Variants in DDX51 observed in about 807,000 individuals in gnomAD.
DDX51 encodes ATP-dependent RNA helicase DDX51.
A neutral mutation model predicts 74.6 loss-of-function variants in DDX51; 67 were observed. The observed-to-expected ratio is 0.90, with a 90% CI of 0.74 to 1.10. The LOEUF (loss-of-function observed/expected upper bound fraction) is 1.10. Among genes scored for constraint, DDX51 ranks in the 50% least tolerant of loss-of-function variants. DDX51 has a pLI of 0.00. For missense variants in DDX51, 1,056 were observed against 905.2 expected (o/e 1.17, Z -2.14); for synonymous variants, 545 against 402.9 (o/e 1.35, Z -4.22).
chr12:132,138,366 G>A lies in DDX51; in HGVS notation c.*906C>T, dbSNP rs990056730. On this transcript the variant is annotated 3_prime_UTR_variant, in exon 15 of 15. Coordinates refer to ENST00000397333, the MANE Select transcript of DDX51 (RefSeq NM_175066.4). Reference sequence around the variant, plus strand: ...CTCACTCTGTTGCCCAGGCTGGAGTGCAGTGGCGCAGTCTCCGCTCACTGC... The same window carrying A: ...CTCACTCTGTTGCCCAGGCTGGAGTACAGTGGCGCAGTCTCCGCTCACTGC... 55 of 152,510 alleles carry A rather than the reference G, an allele frequency of 3.6e-4. No individual in the cohort carries two copies. The highest frequency in any genetic ancestry group is 9.6e-4 in the African/African-American group (40 of 41,586). 9.4% of individuals were successfully genotyped at this position (152,510 alleles called of 1,614,324 possible).
chr12:132,142,901 G>A (rs778118625), intron 2 of DDX51, 23 bp from the exon 3 acceptor site: 13 of 1,611,402 alleles, frequency 8.1e-6, no homozygotes, highest in Middle Eastern at 1.6e-4. Flanking sequence ...AGAAAGAGAG[G>A]CCAGGTGAGC....
chr12:132,143,688 G>A lies in DDX51; in HGVS notation c.519+7C>T, dbSNP rs1001689037. The A allele has an allele frequency of 2.6e-6, 4 of 1,537,858 alleles. No homozygotes were observed. Among genetic ancestry groups the A allele is most frequent in the African/African-American group, 2.8e-5 (2 of 71,926 alleles). On this transcript the variant is annotated splice_region_variant and intron_variant, in intron 2 of 14. Coordinates refer to ENST00000397333, the MANE Select transcript of DDX51 (RefSeq NM_175066.4). ...CGCCGACCACCCTCCCGCCCGCCGA[G>A]GCTCACCTTCGGCGCCTTCCTCTTC...
At chr12:132,139,439 C>A in intron 14 of DDX51, 141 bp from the exon 15 acceptor site, 1 of 1,516,310 alleles carries the variant, frequency 6.6e-7, no homozygotes, top group East Asian at 2.3e-5. Context: ...TGACAGCCCT[C>A]CCTGGTGCCA....
chr12:132,140,024 AAG>A (rs1897384831), intron 12 of DDX51, 72 bp downstream of exon 12: 6 of 1,606,020 alleles, frequency 3.7e-6, no homozygotes, highest in Non-Finnish European at 5.1e-6. Flanking sequence ...CACGCCAGTC[AAG>A]ACGGTCCCAC....
chr12:132,144,075 C>T lies in DDX51; in HGVS notation c.222G>A (p.Arg74=). The change falls in exon 1 of 15, where the codon CGG becomes CGA. Residue 74 remains arginine (R), a synonymous_variant. Transcript: ENST00000397333. The stretch of plus-strand genomic sequence containing the variant: ...TCCCCGGCTCCGCGTCGTTCACCCG[C>T]CGCCGCCGCCGGGGCCGCCGTCGCC... ...TRRRRRPRRR[R]RVNDAEPGSP... is the part of the protein sequence containing the mutation. 3.1e-5 allele frequency: 38 copies of T among 1,241,424 alleles called. No individual in the cohort carries two copies. Among genetic ancestry groups the T allele is most frequent in the Non-Finnish European group, 3.7e-5 (37 of 994,882 alleles). 76.9% of individuals were successfully genotyped at this position (1,241,424 alleles called of 1,614,324 possible). A position where few individuals can be genotyped will look rare whatever the true frequency, so the allele number is the denominator to read the frequency against.
At chr12:132,141,071 C>T in intron 8 of DDX51, 51 bp from the exon 9 acceptor site, 1 of 1,546,562 alleles carries the variant, frequency 6.5e-7, no homozygotes, top group African/African-American at 1.4e-5. Flanking sequence ...TGCCCCGAAC[C>T]TCCAGGGAAC....
rs748272121 is a variant in DDX51 at position 132,142,894 on chromosome 12, AAGAG to A, written c.520-20_520-17del. 5 of 1,612,000 alleles carry A rather than the reference AAGAG, an allele frequency of 3.1e-6. No homozygotes were observed. The African/African-American group carries it at 5.3e-5, about 17-fold the overall frequency. On this transcript the variant is annotated splice_polypyrimidine_tract_variant and intron_variant, in intron 2 of 14. Transcript: ENST00000397333. Reference sequence around the variant, plus strand: ...AAGGCTGGACCTGCCATCAAAAAGAAAGAGAGGCCAGGTGAGCGCTTTCCAGGCT... The same window carrying A: ...AAGGCTGGACCTGCCATCAAAAAGAAAGGCCAGGTGAGCGCTTTCCAGGCT...
intron 12 of DDX51, 74 bp from the exon 13 acceptor site, chr12:132,139,998 C>T: frequency 6.2e-7 from 1 of 1,608,596 alleles, no homozygotes; most frequent in Non-Finnish European, 8.5e-7. Context: ...AGCTTCTCTC[C>T]ACACCAACCC....
In DDX51 at chr12:132,139,210, C is replaced by A; in HGVS notation, c.*62G>T. 6.3e-7 allele frequency: 1 copy of A among 1,583,620 alleles called. No homozygotes were observed. The highest frequency in any genetic ancestry group is 1.1e-5 in the South Asian group (1 of 88,262). On this transcript the variant is annotated 3_prime_UTR_variant, in exon 15 of 15. Transcript: ENST00000397333. The stretch of plus-strand genomic sequence containing the variant: ...CACATACAGGATCCAGTGATCAGCA[C>A]TGCTCTGGAAGGAGGGTCAGGGTGG...
At chr12:132,139,805 G>A (rs771938253) in intron 13 of DDX51, 36 bp from the exon 14 acceptor site, 1 of 1,612,718 alleles carries the variant, frequency 6.2e-7, no homozygotes, top group Non-Finnish European at 8.5e-7. Context: ...GGGTTCTTGG[G>A]CCAGCCCCTT....
intron 14 of DDX51, 63 bp downstream of exon 14, chr12:132,139,572 G>A (rs759463726): frequency 1.2e-6 from 2 of 1,612,546 alleles, no homozygotes; most frequent in Non-Finnish European, 1.7e-6. Context: ...CACGTGTGGT[G>A]ACGACGCCCT....
intron 2 of DDX51, chr12:132,143,285 A>G (rs992521089): frequency 9.9e-6 from 4 of 405,380 alleles, no homozygotes; most frequent in Non-Finnish European, 1.3e-5. Flanking sequence ...AAGGTGCCCG[A>G]GCACTCTGTC....
Position 132,139,159 on chromosome 12 carries a change from T to C in DDX51, c.*113A>G. 6.8e-7 allele frequency: 1 copy of C among 1,462,194 alleles called. No individual in the cohort carries two copies. Among genetic ancestry groups the C allele is most frequent in the Non-Finnish European group, 9.2e-7 (1 of 1,082,864 alleles). 90.6% of individuals were successfully genotyped at this position (1,462,194 alleles called of 1,614,324 possible). On this transcript the variant is annotated 3_prime_UTR_variant, in exon 15 of 15. Transcript: ENST00000397333. ...AGACCACGTGCTTGGGGAGGAAGGCTGTGTCCACTGGGGGATTCCTTTCCT... is the reference window on the plus strand; with the variant it reads ...AGACCACGTGCTTGGGGAGGAAGGCCGTGTCCACTGGGGGATTCCTTTCCT...
In DDX51 at chr12:132,140,079, C is replaced by T; in HGVS notation, c.1775+19G>A. ...CACAAAGCCCCAGACCCCCCAGTGG[C>T]CGCTGCGCCAGCGCTCACCGGTGCA... On this transcript the variant is annotated intron_variant, in intron 12 of 14. Coordinates refer to ENST00000397333, the MANE Select transcript of DDX51 (RefSeq NM_175066.4). 1 of 1,610,148 alleles carries T rather than the reference C, an allele frequency of 6.2e-7. No individual in the cohort carries two copies. Among genetic ancestry groups the T allele is most frequent in the South Asian group, 1.1e-5 (1 of 90,752 alleles).
Position 132,139,078 on chromosome 12 carries a change from G to A in DDX51, c.*194C>T, listed in dbSNP as rs1897351823. ...CCACACTCTGAAAGTGACAAGCCCTGAAGTCTCCAGTCGGGGCAGGTGCTT... is the reference window on the plus strand; with the variant it reads ...CCACACTCTGAAAGTGACAAGCCCTAAAGTCTCCAGTCGGGGCAGGTGCTT... On this transcript the variant is annotated 3_prime_UTR_variant, in exon 15 of 15. Transcript: ENST00000397333. The A allele has an allele frequency of 1.4e-6, 1 of 723,816 alleles. No homozygotes were observed. 44.8% of individuals were successfully genotyped at this position (723,816 alleles called of 1,614,324 possible). A position where few individuals can be genotyped will look rare whatever the true frequency, so the allele number is the denominator to read the frequency against.
chr12:132,140,823 C>T lies in DDX51; in HGVS notation c.1440+8G>A, dbSNP rs763853237. On this transcript the variant is annotated splice_region_variant and intron_variant, in intron 9 of 14. Transcript: ENST00000397333. ...TGCAACCCTCTGCCCACACGGTATC[C>T]CACTCACCGTGAGCCCAACAGGAAA... 1 of 1,613,446 alleles carries T rather than the reference C, an allele frequency of 6.2e-7. No individual in the cohort carries two copies. Among genetic ancestry groups the T allele is most frequent in the East Asian group, 2.2e-5 (1 of 44,882 alleles).
chr12:132,142,365 C>A lies in DDX51; in HGVS notation c.728G>T (p.Gly243Val). Reference protein sequence around the residue: ...LESAACGFLVGRGGYRPSDLC... With the variant: ...LESAACGFLVVRGGYRPSDLC... ...GTCGCTAGGCCGGTAGCCACCTCTG[C>A]CCACCAGAAACCCACAGGCTGCGCT... Residue 243 changes from glycine to valine, a missense_variant, in exon 4 of 15, where the codon GGC (glycine) becomes GTC (valine). Coordinates refer to ENST00000397333, the MANE Select transcript of DDX51 (RefSeq NM_175066.4). 1 of 1,613,008 alleles carries A rather than the reference C, an allele frequency of 6.2e-7. No homozygotes were observed. The highest frequency in any genetic ancestry group is 8.5e-7 in the Non-Finnish European group (1 of 1,180,010).
Position 132,141,963 on chromosome 12 carries a change from G to C in DDX51, c.889-7C>G, listed in dbSNP as rs202048577. The C allele has an allele frequency of 6.2e-7, 1 of 1,612,344 alleles. No homozygotes were observed. The highest frequency in any genetic ancestry group is 8.5e-7 in the Non-Finnish European group (1 of 1,179,590). On this transcript the variant is annotated splice_region_variant and splice_polypyrimidine_tract_variant and intron_variant, in intron 5 of 14. Coordinates refer to ENST00000397333, the MANE Select transcript of DDX51 (RefSeq NM_175066.4). Reference sequence around the variant, plus strand: ...TGTTGAAAACTTTGCTCACCTGCAGGAGAAGTCTGTCACTGGCCTGGAGGT... The same window carrying C: ...TGTTGAAAACTTTGCTCACCTGCAGCAGAAGTCTGTCACTGGCCTGGAGGT...
At chr12:132,141,206 A>C in intron 8 of DDX51, 69 bp downstream of exon 8, 1 of 1,518,526 alleles carries the variant, frequency 6.6e-7, no homozygotes. Context: ...TCTGGGCATT[A>C]AGGAAGGAGA....
Sources: allele counts gnomAD v4.1 joint callset, GRCh38; gene constraint gnomAD v4.1.1; transcripts MANE v1.5; gene names NCBI Gene and HGNC (gene_info 2026-07-23, HGNC 2026-07-21).